Variants in ALDH1L2 observed in about 807,000 individuals in gnomAD.
The protein encoded by ALDH1L2 is aldehyde dehydrogenase 1 family member L2.
Under a neutral mutation model 111.0 loss-of-function variants are expected in ALDH1L2, and 91 were observed. That is an observed-to-expected ratio of 0.82 (90% CI 0.69 to 0.98). The LOEUF (loss-of-function observed/expected upper bound fraction) is 0.98. Ranked by LOEUF, ALDH1L2 falls within the 50% of genes least tolerant of loss-of-function variation. The pLI is 0.00. For synonymous variants in ALDH1L2, 374 were observed against 392.6 expected (o/e 0.95, Z 0.56); for missense variants, 995 against 1,126.8 (o/e 0.88, Z 1.67).
intron 15 of ALDH1L2, among the ~76,000 whole-genome samples, chr12:105,045,784 T>C (rs7304564): frequency 0.15 from 21,253 of 142,960 alleles, 1,949 homozygotes; most frequent in African/African-American, 0.26. Context: ...TTTTTTAAAC[T>C]CTGAAAGAAG....
In ALDH1L2 at chr12:105,043,934, C is replaced by A. The variant is rs149032881; in HGVS notation, c.1863+2776G>T. 1.5e-3 allele frequency among the ~76,000 whole-genome samples: 224 copies of A among 152,300 alleles called. 1 individual carries two copies. The highest frequency in any genetic ancestry group is 4.9e-3 in the African/African-American group (204 of 41,574). On this transcript the variant is annotated intron_variant, in intron 15 of 22. Transcript: ENST00000258494. ...TGTATGAAGCCAGGAGAGAATCTTT[C>A]ACACATATAACAAAGCAGACAACAG...
chr12:105,043,880 A>T lies in ALDH1L2; in HGVS notation c.1863+2830T>A, dbSNP rs116148144. Among the ~76,000 whole-genome samples, 240 of 152,316 alleles carry T rather than the reference A, an allele frequency of 1.6e-3. 1 individual carries two copies. Among genetic ancestry groups the T allele is most frequent in the African/African-American group, 5.3e-3 (220 of 41,572 alleles). Reference sequence around the variant, plus strand: ...ACTTGTCACACCTGGACCAGACCACACTAGGCCATGAAAATCTGTGCTTTC... The same window carrying T: ...ACTTGTCACACCTGGACCAGACCACTCTAGGCCATGAAAATCTGTGCTTTC... On this transcript the variant is annotated intron_variant, in intron 15 of 22. Coordinates refer to ENST00000258494, the MANE Select transcript of ALDH1L2 (RefSeq NM_001034173.4).
At chr12:105,070,206 C>T (rs1259278951) in intron 3 of ALDH1L2, among the ~76,000 whole-genome samples, 1 of 152,206 alleles carries the variant, frequency 6.6e-6, no homozygotes, top group Non-Finnish European at 1.5e-5. Context: ...TAGTAACAGT[C>T]AATGGAGCTA....
At chr12:105,056,146 A>G (rs10861331) in intron 10 of ALDH1L2, among the ~76,000 whole-genome samples, 59,652 of 151,886 alleles carry the variant, frequency 0.39, 12,939 homozygotes, top group Middle Eastern at 0.61. Context: ...AGACAAAGAG[A>G]AAATCTCAAA....
intron 3 of ALDH1L2, 45 bp downstream of exon 3, chr12:105,070,525 C>A (rs1295419587): frequency 6.7e-7 from 1 of 1,482,352 alleles, no homozygotes; most frequent in Non-Finnish European, 9.2e-7. Context: ...GGCAACATAG[C>A]AAGACCCCAT....
rs200407321 is a variant in ALDH1L2 at position 105,031,949 on chromosome 12, G to C, written c.2245-15C>G. On this transcript the variant is annotated splice_polypyrimidine_tract_variant and intron_variant, in intron 19 of 22. Coordinates refer to ENST00000258494, the MANE Select transcript of ALDH1L2 (RefSeq NM_001034173.4). ...ATTTCTTCTACCTGTATGTTACCCA[G>C]TCCATAAAAACACAATTCACTGTTA... The C allele has an allele frequency of 6.2e-7, 1 of 1,611,832 alleles. No homozygotes were observed. The highest frequency in any genetic ancestry group is 2.2e-5 in the East Asian group (1 of 44,852).
intron 6 of ALDH1L2, among the ~76,000 whole-genome samples, chr12:105,064,312 C>A (rs1487715427): frequency 6.6e-6 from 1 of 151,574 alleles, no homozygotes; most frequent in African/African-American, 2.4e-5. Context: ...TTACCCATAA[C>A]CTAAGGGAGG....
intron 15 of ALDH1L2, among the ~76,000 whole-genome samples, chr12:105,041,899 C>A (rs1875557265): frequency 6.6e-6 from 1 of 152,122 alleles, no homozygotes; most frequent in Non-Finnish European, 1.5e-5. Flanking sequence ...GCTTTCAGGC[C>A]CAACAAGATA....
At position 105,036,725 on chromosome 12, in the gene ALDH1L2, C is replaced by T. The variant is rs77033622; in HGVS notation, c.2145+1378G>A. Among the ~76,000 whole-genome samples, 1,384 of 150,636 alleles carry T rather than the reference C, an allele frequency of 9.2e-3. 24 individuals carry two copies. Among genetic ancestry groups the T allele is most frequent in the African/African-American group, 0.032 (1,303 of 41,082 alleles). On this transcript the variant is annotated intron_variant, in intron 18 of 22. Transcript: ENST00000258494. The stretch of plus-strand genomic sequence containing the variant: ...AAGTATAATGAATGCTTTGAAATAC[C>T]ATGCTTTTCCTGTGCATACATTTTA...
chr12:105,070,685 G>A lies in ALDH1L2; in HGVS notation c.313C>T (p.Leu105Phe). 6.2e-7 allele frequency: 1 copy of A among 1,614,152 alleles called. No homozygotes were observed. Among genetic ancestry groups the A allele is most frequent in the Non-Finnish European group, 8.5e-7 (1 of 1,179,986 alleles). The change falls in exon 3 of 23, where the codon CTC becomes TTC. Residue 105 changes from leucine to phenylalanine, a missense_variant. Transcript: ENST00000258494. Reference protein sequence around the residue: ...YRSVGAELNVLPFCTQFIPMD... With the variant: ...YRSVGAELNVFPFCTQFIPMD... ...GGAATGAACTGAGTGCAGAAAGGGAGCACATTTAGCTCTGCACCCACGGAT... is the reference window on the plus strand; with the variant it reads ...GGAATGAACTGAGTGCAGAAAGGGAACACATTTAGCTCTGCACCCACGGAT...
chr12:105,060,827 G>GAA (rs10674036), intron 9 of ALDH1L2, 154 bp downstream of exon 9: 20,862 of 138,446 alleles, frequency 0.15, 2,026 homozygotes, highest in African/African-American at 0.29. Flanking sequence ...TCCATCTCAG[G>GAA]AAAAAAAAAA....
chr12:105,073,221 G>A (rs955851952), intron 2 of ALDH1L2, among the ~76,000 whole-genome samples: 8 of 152,190 alleles, frequency 5.3e-5, no homozygotes, highest in Non-Finnish European at 1.2e-4. Flanking sequence ...GGCTTAGTAA[G>A]ATTAAGTAAC....
At chr12:105,053,194 A>G (rs1408991480) in intron 10 of ALDH1L2, among the ~76,000 whole-genome samples, 1 of 152,204 alleles carries the variant, frequency 6.6e-6, no homozygotes, top group African/African-American at 2.4e-5. Flanking sequence ...TTAACAGATA[A>G]AAGGTAACTC....
In ALDH1L2 at chr12:105,068,748, A is replaced by G; in HGVS notation, c.565T>C (p.Phe189Leu). 1 of 1,560,748 alleles carries G rather than the reference A, an allele frequency of 6.4e-7. No individual in the cohort carries two copies. Among genetic ancestry groups the G allele is most frequent in the Non-Finnish European group, 8.7e-7 (1 of 1,154,310 alleles). Reference sequence around the variant, plus strand: ...GCCTTGATTCCTTCAGGAAAAAGAAACCGATTATAAAGTGCATCCACTGTA... The same window carrying G: ...GCCTTGATTCCTTCAGGAAAAAGAAGCCGATTATAAAGTGCATCCACTGTA... The part of the protein sequence containing the change: ...NDTVDALYNR[F>L]LFPEGIKAMV... Residue 189 changes from phenylalanine (F) to leucine (L), a missense_variant, in exon 4 of 23, where the codon TTT becomes CTT. By Grantham distance (22) the Phe-to-Leu change is conservative. Transcript: ENST00000258494.
intron 10 of ALDH1L2, among the ~76,000 whole-genome samples, chr12:105,054,060 T>G (rs921474374): frequency 1.3e-5 from 2 of 151,718 alleles, no homozygotes; most frequent in Non-Finnish European, 2.9e-5. Flanking sequence ...GTAAAAATAA[T>G]GGAGGAAATA....
Position 105,035,839 on chromosome 12 carries a change from A to ATATGTGTGTG in ALDH1L2, c.2146-1442_2146-1441insCACACACATA, listed in dbSNP as rs1555224201. 1.0e-3 allele frequency among the ~76,000 whole-genome samples: 103 copies of ATATGTGTGTG among 100,208 alleles called. 7 individuals carry two copies. The highest frequency in any genetic ancestry group is 2.5e-3 in the South Asian group (9 of 3,668). 65.7% of individuals were successfully genotyped at this position (100,208 alleles called of 152,430 possible). A position where few individuals can be genotyped will look rare whatever the true frequency, so the allele number is the denominator to read the frequency against. On this transcript the variant is annotated intron_variant, in intron 18 of 22. Coordinates refer to ENST00000258494, the MANE Select transcript of ALDH1L2 (RefSeq NM_001034173.4). ...ATATAGTGTGTCTATATATATATATATGTGTGTGTGTGTGTGTGTGTGTGT... is the reference window on the plus strand; with the variant it reads ...ATATAGTGTGTCTATATATATATATATATGTGTGTGTGTGTGTGTGTGTGTGTGTGTGTGT...
chr12:105,074,072 A>T, intron 1 of ALDH1L2, 67 bp from the exon 2 acceptor site: 1 of 1,586,774 alleles, frequency 6.3e-7, no homozygotes, highest in East Asian at 2.2e-5. Context: ...GTGAGGGTTA[A>T]AAAAGATAGC....
intron 10 of ALDH1L2, among the ~76,000 whole-genome samples, chr12:105,057,153 A>G (rs986427463): frequency 6.6e-6 from 1 of 152,158 alleles, no homozygotes; most frequent in Non-Finnish European, 1.5e-5. Context: ...CAATAAGTAT[A>G]TGAGAAGATG....
At chr12:105,029,420 G>T (rs1450826189) in intron 21 of ALDH1L2, among the ~76,000 whole-genome samples, 1 of 152,076 alleles carries the variant, frequency 6.6e-6, no homozygotes, top group Admixed American at 6.6e-5. Context: ...ACCCTCTGTG[G>T]ACTAACTGTC....
Sources: gnomAD v4.1 joint callset for allele counts (sites outside exome capture counted in the v4.1 genomes callset) on GRCh38, gnomAD v4.1.1 for gene constraint, MANE v1.5 for transcripts, NCBI Gene and HGNC (gene_info 2026-07-23, HGNC 2026-07-21) for gene names.